ZDHHC15: variants seen among roughly 807,000 people sequenced by gnomAD.
The protein encoded by ZDHHC15 is palmitoyltransferase ZDHHC15.
A neutral mutation model predicts 31.7 loss-of-function variants in ZDHHC15; 19 were observed. The ratio of observed to expected loss-of-function variants is 0.60; its 90% CI spans 0.42 to 0.88. The LOEUF is 0.88. Ranked by LOEUF, ZDHHC15 falls within the 40% of genes least tolerant of loss-of-function variation. ZDHHC15 has a pLI of 0.00. For synonymous variants in ZDHHC15, 103 were observed against 90.0 expected, an observed-to-expected ratio of 1.14 and a Z score of -0.82; for missense variants, 209 against 251.2, an observed-to-expected ratio of 0.83 and a Z score of 1.14.
chrX:75,389,070 G>A (rs1052672747), intron 10 of ZDHHC15, among the ~76,000 whole-genome samples: 2 of 111,579 alleles, frequency 1.8e-5, no homozygotes, highest in African/African-American at 6.5e-5. Flanking sequence ...TGCAGTGACT[G>A]TGGCAGTTTG....
At chrX:75,475,053 C>T (rs779588106) in intron 3 of ZDHHC15, among the ~76,000 whole-genome samples, 96 of 110,385 alleles carry the variant, frequency 8.7e-4, no homozygotes, top group Admixed American at 5.6e-3. Flanking sequence ...AGCGAGACTC[C>T]GTCTCAAAAA....
chrX:75,497,697 A>T lies in ZDHHC15; in HGVS notation c.163+8124T>A, dbSNP rs899865392. Among the ~76,000 whole-genome samples, 4 of 111,714 alleles carry T rather than the reference A, an allele frequency of 3.6e-5. No homozygotes were observed. In the Admixed American group the frequency reaches 3.8e-4, roughly 11 times the overall value. On this transcript the variant is annotated intron_variant, in intron 2 of 11. Transcript: ENST00000373367. ...CATACGCAAGCAATAAATATGATACACCATATAAATGGAATTAAAAACAAT... is the reference window on the plus strand; with the variant it reads ...CATACGCAAGCAATAAATATGATACTCCATATAAATGGAATTAAAAACAAT...
At chrX:75,509,983 G>A (rs2085235424) in intron 1 of ZDHHC15, among the ~76,000 whole-genome samples, 1 of 111,518 alleles carries the variant, frequency 9.0e-6, no homozygotes, top group Admixed American at 9.6e-5. Context: ...TCTCTTAGAT[G>A]TTTCTTAGAT....
intron 2 of ZDHHC15, among the ~76,000 whole-genome samples, chrX:75,491,532 G>A (rs1297529739): frequency 2.8e-5 from 3 of 105,830 alleles, no homozygotes; most frequent in Admixed American, 1.0e-4. Context: ...GCTAAATGAC[G>A]AGCTAATGGG....
At chrX:75,478,406 A>G (rs1336460216) in intron 3 of ZDHHC15, among the ~76,000 whole-genome samples, 1 of 111,379 alleles carries the variant, frequency 9.0e-6, no homozygotes, top group Non-Finnish European at 1.9e-5. Flanking sequence ...AATTTGAGAC[A>G]GGGTCTTACT....
At chrX:75,454,057 C>T (rs1293178293) in intron 3 of ZDHHC15, among the ~76,000 whole-genome samples, 3 of 110,925 alleles carry the variant, frequency 2.7e-5, no homozygotes, top group Admixed American at 9.7e-5. Flanking sequence ...GGCAAGAGAA[C>T]GAAATAAAGA....
At chrX:75,384,035 C>T (rs1008848752) in intron 10 of ZDHHC15, among the ~76,000 whole-genome samples, 4 of 110,735 alleles carry the variant, frequency 3.6e-5, no homozygotes, top group African/African-American at 1.3e-4. Context: ...AACCACCGCA[C>T]CCGGCCAGAA....
intron 4 of ZDHHC15, among the ~76,000 whole-genome samples, chrX:75,440,567 C>T (rs928136286): frequency 2.7e-5 from 3 of 112,814 alleles, no homozygotes; most frequent in Non-Finnish European, 3.7e-5. Context: ...GCGTGAGCCA[C>T]CGTGCCCAAC....
At chrX:75,393,435 CTTCA>C (rs1365326109) in intron 10 of ZDHHC15, among the ~76,000 whole-genome samples, 2 of 111,259 alleles carry the variant, frequency 1.8e-5, no homozygotes, top group African/African-American at 6.5e-5. Context: ...AGCCAACCAG[CTTCA>C]TTATGTTCCT....
chrX:75,484,115 T>G (rs1354885283), intron 2 of ZDHHC15, among the ~76,000 whole-genome samples: 7 of 112,219 alleles, frequency 6.2e-5, no homozygotes, highest in African/African-American at 2.3e-4. Context: ...CTGCTGTACA[T>G]TATCCCTAAT....
At chrX:75,475,420 ACGT>A (rs1453873429) in intron 3 of ZDHHC15, among the ~76,000 whole-genome samples, 2 of 111,708 alleles carry the variant, frequency 1.8e-5, no homozygotes, top group Non-Finnish European at 3.8e-5. Flanking sequence ...TAAAGGTTCT[ACGT>A]CATTATTTTG....
At chrX:75,463,765 T>G (rs1321513546) in intron 3 of ZDHHC15, among the ~76,000 whole-genome samples, 1 of 111,599 alleles carries the variant, frequency 9.0e-6, no homozygotes, top group Non-Finnish European at 1.9e-5. Context: ...CCAGTTAGAA[T>G]GGCAATCATT....
chrX:75,486,533 G>A (rs1239372210), intron 2 of ZDHHC15, among the ~76,000 whole-genome samples: 1 of 112,614 alleles, frequency 8.9e-6, no homozygotes, highest in African/African-American at 3.2e-5. Context: ...GGCAGGCAAG[G>A]AGGGGTAAGG....
chrX:75,403,298 C>T (rs1369090518), intron 10 of ZDHHC15, among the ~76,000 whole-genome samples: 2 of 111,818 alleles, frequency 1.8e-5, no homozygotes, highest in African/African-American at 6.5e-5. Context: ...AAGCAGGAAG[C>T]ATTCTCCTTG....
intron 10 of ZDHHC15, among the ~76,000 whole-genome samples, chrX:75,408,855 A>C (rs1280044776): frequency 8.9e-6 from 1 of 112,627 alleles, no homozygotes; most frequent in Non-Finnish European, 1.9e-5. Context: ...AAATAGTTAC[A>C]AAGTATATAA....
chrX:75,470,392 C>T (rs1449798383), intron 3 of ZDHHC15, among the ~76,000 whole-genome samples: 2 of 110,983 alleles, frequency 1.8e-5, no homozygotes, highest in African/African-American at 6.6e-5. Context: ...TAACAAACTC[C>T]TGGAGTTTCA....
chrX:75,420,634 A>T (rs978126968), intron 9 of ZDHHC15, among the ~76,000 whole-genome samples: 3 of 111,476 alleles, frequency 2.7e-5, no homozygotes, highest in African/African-American at 9.8e-5. Flanking sequence ...CATCAAAAAA[A>T]TGAGTTCATG....
chrX:75,463,790 C>T (rs1054767518), intron 3 of ZDHHC15, among the ~76,000 whole-genome samples: 1 of 111,228 alleles, frequency 9.0e-6, no homozygotes, highest in Non-Finnish European at 1.9e-5. Flanking sequence ...AGTCAGGAAA[C>T]AACAGGAGGG....
chrX:75,514,516 C>T (rs1489443767), intron 1 of ZDHHC15, among the ~76,000 whole-genome samples: 9 of 111,537 alleles, frequency 8.1e-5, no homozygotes, highest in East Asian at 2.8e-4. Flanking sequence ...AGCTGAGGTA[C>T]GAGGTTCATC....
Sources: gnomAD v4.1 joint callset for allele counts (sites outside exome capture counted in the v4.1 genomes callset) on GRCh38, gnomAD v4.1.1 for gene constraint, MANE v1.5 for transcripts, NCBI Gene and HGNC (gene_info 2026-07-23, HGNC 2026-07-21) for gene names.